INSYN2B: variants seen among roughly 807,000 people sequenced by gnomAD.
INSYN2B encodes inhibitory synaptic factor family member 2B, also known as protein INSYN2B.
Under a neutral mutation model 41.2 loss-of-function variants are expected in INSYN2B, and 16 were observed. The ratio of observed to expected loss-of-function variants is 0.39; its 90% CI spans 0.26 to 0.59. The LOEUF is 0.59. INSYN2B is among the 20% of genes least tolerant of loss of function. The probability of loss-of-function intolerance (pLI) is 0.57; values close to 1 mark genes in which losing one functional copy is unlikely to be tolerated. For synonymous variants in INSYN2B, 245 were observed against 244.4 expected, an observed-to-expected ratio of 1.00 and a Z score of -0.02; for missense variants, 608 against 646.4, an observed-to-expected ratio of 0.94 and a Z score of 0.64.
intron 1 of INSYN2B, among the ~76,000 whole-genome samples, chr5:169,953,462 G>A (rs770631955): frequency 3.3e-5 from 5 of 152,102 alleles, no homozygotes; most frequent in Admixed American, 6.6e-5. Flanking sequence ...CTCTAAACCC[G>A]CAATTCCCTT....
intron 3 of INSYN2B, among the ~76,000 whole-genome samples, chr5:169,876,821 C>T (rs1772363527): frequency 6.6e-6 from 1 of 152,212 alleles, no homozygotes; most frequent in Admixed American, 6.5e-5. Flanking sequence ...ACAATTTAAA[C>T]AGCTGTCTCA....
chr5:169,959,105 C>G (rs1776976875), intron 1 of INSYN2B, among the ~76,000 whole-genome samples: 1 of 152,108 alleles, frequency 6.6e-6, no homozygotes, highest in South Asian at 2.1e-4. Flanking sequence ...ATAAAAAGCA[C>G]AAACTGGCTG....
rs1177099124 is a variant in INSYN2B at position 169,884,559 on chromosome 5, GTC to G, written c.-663_-662del. The G allele has an allele frequency of 6.6e-6, 1 of 152,184 alleles. No homozygotes were observed. The highest frequency in any genetic ancestry group is 1.5e-5 in the Non-Finnish European group (1 of 68,064). 9.4% of individuals were successfully genotyped at this position (152,184 alleles called of 1,614,324 possible). The stretch of plus-strand genomic sequence containing the variant: ...TGGGGCCATTGTTTTCTTTCATGCT[GTC>G]TCTCTTTTCTTCAGTGAGGGAAACT... On this transcript the variant is annotated 5_prime_UTR_variant, in exon 2 of 4. Coordinates refer to ENST00000377365, the MANE Select transcript of INSYN2B (RefSeq NM_001129891.3).
At chr5:169,905,135 A>T (rs1774204570) in intron 1 of INSYN2B, among the ~76,000 whole-genome samples, 1 of 152,200 alleles carries the variant, frequency 6.6e-6, no homozygotes, top group South Asian at 2.1e-4. Context: ...TGGGTTTAGG[A>T]AGGGTTGCAA....
chr5:169,942,949 G>A (rs1377755760), intron 1 of INSYN2B, among the ~76,000 whole-genome samples: 1 of 152,206 alleles, frequency 6.6e-6, no homozygotes, highest in Non-Finnish European at 1.5e-5. Context: ...TTAAATGAGA[G>A]ACTCTATGTA....
intron 1 of INSYN2B, among the ~76,000 whole-genome samples, chr5:169,905,725 G>A (rs261046): frequency 0.34 from 51,077 of 152,010 alleles, 9,245 homozygotes; most frequent in East Asian, 0.53. Flanking sequence ...AAATGGCAGC[G>A]TCTGCACCCA....
chr5:169,867,102 C>T (rs538793608), intron 3 of INSYN2B, among the ~76,000 whole-genome samples: 10 of 152,312 alleles, frequency 6.6e-5, no homozygotes, highest in Non-Finnish European at 1.0e-4. Context: ...CACTTCCTTA[C>T]GTTTACTGGT....
chr5:169,948,503 T>G (rs1188565069), intron 1 of INSYN2B, among the ~76,000 whole-genome samples: 1 of 152,148 alleles, frequency 6.6e-6, no homozygotes. Context: ...CTGACTATCA[T>G]CTACCTACAC....
chr5:169,890,087 C>A (rs1362107016), intron 1 of INSYN2B, among the ~76,000 whole-genome samples: 3 of 152,220 alleles, frequency 2.0e-5, no homozygotes, highest in Non-Finnish European at 2.9e-5. Context: ...CAGAAGGACT[C>A]GATGACTTGT....
chr5:169,919,276 A>G (rs1413464340), intron 1 of INSYN2B, among the ~76,000 whole-genome samples: 1 of 152,192 alleles, frequency 6.6e-6, no homozygotes, highest in Non-Finnish European at 1.5e-5. Flanking sequence ...GTGGGGCCCA[A>G]ATGAGTCTCC....
chr5:169,968,308 G>A (rs1777375437), intron 1 of INSYN2B, among the ~76,000 whole-genome samples: 1 of 152,128 alleles, frequency 6.6e-6, no homozygotes. Flanking sequence ...CACAGCAAAC[G>A]AGGCAGTCCT....
intron 1 of INSYN2B, among the ~76,000 whole-genome samples, chr5:169,919,454 A>T (rs1775055278): frequency 6.6e-6 from 1 of 152,252 alleles, no homozygotes; most frequent in East Asian, 1.9e-4. Context: ...AGTAATGGCC[A>T]GTATCATTAA....
chr5:169,975,776 T>C (rs2113773273), intron 1 of INSYN2B, among the ~76,000 whole-genome samples: 1 of 152,362 alleles, frequency 6.6e-6, no homozygotes, highest in African/African-American at 2.4e-5. Context: ...GTTTAAAGTG[T>C]GTTCCCTCTG....
chr5:169,973,973 A>G (rs1319979078), intron 1 of INSYN2B, among the ~76,000 whole-genome samples: 1 of 152,186 alleles, frequency 6.6e-6, no homozygotes, highest in East Asian at 1.9e-4. Flanking sequence ...CCTAATATTC[A>G]AGGTTAATTC....
rs147728151 is a variant in INSYN2B at position 169,915,069 on chromosome 5, A to G, written c.-918-30253T>C. Among the ~76,000 whole-genome samples the G allele has an allele frequency of 1.1e-4, 17 of 152,342 alleles. 1 individual carries two copies. In the East Asian group the frequency reaches 3.3e-3, roughly 29 times the overall value. ...GACCAGCTGTCTTCACCCCAGAGCC[A>G]CTTAGAATCAATTCTAGGCCTTGAT... On this transcript the variant is annotated intron_variant, in intron 1 of 3. Transcript: ENST00000377365.
chr5:169,872,964 A>G (rs6873234), intron 3 of INSYN2B, among the ~76,000 whole-genome samples: 4,704 of 152,338 alleles, frequency 0.031, 137 homozygotes, highest in African/African-American at 0.076. Flanking sequence ...GGCTGATTCA[A>G]CAAATGGTAA....
At chr5:169,928,748 AG>A (rs1775601422) in intron 1 of INSYN2B, among the ~76,000 whole-genome samples, 1 of 152,260 alleles carries the variant, frequency 6.6e-6, no homozygotes, top group African/African-American at 2.4e-5. Flanking sequence ...ACAGTTATAC[AG>A]GAATGAGTGG....
intron 1 of INSYN2B, among the ~76,000 whole-genome samples, chr5:169,955,544 A>G (rs1776830340): frequency 6.6e-6 from 1 of 152,186 alleles, no homozygotes. Flanking sequence ...TCTCTTGGTC[A>G]TTAGGGCACT....
At chr5:169,967,851 A>G (rs1252027842) in intron 1 of INSYN2B, among the ~76,000 whole-genome samples, 5 of 152,164 alleles carry the variant, frequency 3.3e-5, no homozygotes, top group Admixed American at 2.6e-4. Flanking sequence ...CTAAATCCCC[A>G]TGGCTTGTGA....
Sources: gnomAD v4.1 joint callset for allele counts (sites outside exome capture counted in the v4.1 genomes callset) on GRCh38, gnomAD v4.1.1 for gene constraint, MANE v1.5 for transcripts, NCBI Gene and HGNC (gene_info 2026-07-23, HGNC 2026-07-21) for gene names.